ZNF536: variants seen among roughly 807,000 people sequenced by gnomAD.
The protein encoded by ZNF536 is zinc finger protein 536.
Under a neutral mutation model 84.5 loss-of-function variants are expected in ZNF536, and 13 were observed. That is an observed-to-expected ratio of 0.15 (90% CI 0.10 to 0.24). ZNF536 has a LOEUF of 0.24. Ranked by LOEUF, ZNF536 falls within the 10% of genes least tolerant of loss-of-function variation. ZNF536 has a pLI of 1.00. For synonymous variants in ZNF536, 811 were observed against 742.5 expected (o/e 1.09, Z -1.50); for missense variants, 1,536 against 1,747.5 (o/e 0.88, Z 2.16).
At chr19:30,541,840 C>T (rs1363948902) in intron 3 of ZNF536, among the ~76,000 whole-genome samples, 7 of 152,214 alleles carry the variant, frequency 4.6e-5, no homozygotes, top group Admixed American at 4.6e-4. Flanking sequence ...TTGTCCCCTT[C>T]TGGACAAGGC....
intron 1 of ZNF536, among the ~76,000 whole-genome samples, chr19:30,273,607 T>G (rs1032430768): frequency 6.6e-6 from 1 of 152,250 alleles, no homozygotes; most frequent in Non-Finnish European, 1.5e-5. Context: ...CTGTTGAGTT[T>G]TAAGAGTTCT....
intron 2 of ZNF536, among the ~76,000 whole-genome samples, chr19:30,530,003 A>C (rs1241935772): frequency 6.6e-6 from 1 of 152,224 alleles, no homozygotes; most frequent in Non-Finnish European, 1.5e-5. Context: ...GAGCACACCC[A>C]GGCTGAGGGT....
At chr19:30,513,282 C>G (rs912112713) in intron 2 of ZNF536, among the ~76,000 whole-genome samples, 1 of 152,024 alleles carries the variant, frequency 6.6e-6, no homozygotes, top group African/African-American at 2.4e-5. Context: ...ATCTTGTGTG[C>G]GCAAGAAAAT....
At chr19:30,484,079 A>C (rs1307738580) in intron 2 of ZNF536, among the ~76,000 whole-genome samples, 1 of 151,748 alleles carries the variant, frequency 6.6e-6, no homozygotes, top group East Asian at 1.9e-4. Context: ...CCGCTGGTGC[A>C]CCCTGCCCCA....
At chr19:30,259,141 CA>C (rs1173590392) in intron 1 of ZNF536, among the ~76,000 whole-genome samples, 26 of 152,176 alleles carry the variant, frequency 1.7e-4, no homozygotes, top group African/African-American at 6.0e-4. Flanking sequence ...ATTTTGTTTG[CA>C]GTTGCGGGTG....
At chr19:30,462,802 A>G (rs201742599) in intron 2 of ZNF536, among the ~76,000 whole-genome samples, 10,067 of 95,072 alleles carry the variant, frequency 0.11, 678 homozygotes, top group South Asian at 0.17. Context: ...GCATGTATCC[A>G]TATGCATTTG....
At chr19:30,428,258 G>A (rs1296230443) in intron 1 of ZNF536, among the ~76,000 whole-genome samples, 1 of 152,212 alleles carries the variant, frequency 6.6e-6, no homozygotes, top group Non-Finnish European at 1.5e-5. Context: ...GGAAGGAGGA[G>A]GAGAGGCAGG....
intron 1 of ZNF536, among the ~76,000 whole-genome samples, chr19:30,388,609 G>T (rs767321953): frequency 1.4e-4 from 22 of 152,158 alleles, no homozygotes; most frequent in Non-Finnish European, 3.2e-4. Context: ...TTCACTTGGG[G>T]GAATTTTCCA....
At chr19:30,461,106 G>A (rs1401392834) in intron 2 of ZNF536, among the ~76,000 whole-genome samples, 1 of 152,156 alleles carries the variant, frequency 6.6e-6, no homozygotes, top group Non-Finnish European at 1.5e-5. Flanking sequence ...CTGTTTCCCA[G>A]GAGTGTTCCA....
chr19:30,661,909 GT>G (rs922251314), intron 1 of ZNF536, among the ~76,000 whole-genome samples: 1 of 150,480 alleles, frequency 6.6e-6, no homozygotes, highest in Admixed American at 6.6e-5. Context: ...ATGGCCAGTG[GT>G]TTTTTTCTAG....
chr19:30,567,668 T>A (rs1332902340), intron 1 of ZNF536, among the ~76,000 whole-genome samples: 1 of 152,176 alleles, frequency 6.6e-6, no homozygotes. Flanking sequence ...TGCCCCTCCC[T>A]GCCCCCAACC....
chr19:30,258,662 C>CTTTAGT (rs2025035392), intron 1 of ZNF536, among the ~76,000 whole-genome samples: 1 of 151,582 alleles, frequency 6.6e-6, no homozygotes, highest in Non-Finnish European at 1.5e-5. Flanking sequence ...GTACATAAGT[C>CTTTAGT]ATATGTAGTC....
chr19:30,458,542 T>G (rs2052979438), intron 2 of ZNF536, among the ~76,000 whole-genome samples: 1 of 135,900 alleles, frequency 7.4e-6, no homozygotes, highest in East Asian at 2.5e-4. Context: ...AACCTCCACC[T>G]CCCAGGTTCA....
At chr19:30,277,366 CTT>C (rs1490591753) in intron 1 of ZNF536, among the ~76,000 whole-genome samples, 1 of 152,132 alleles carries the variant, frequency 6.6e-6, no homozygotes, top group African/African-American at 2.4e-5. Flanking sequence ...CTCCACTCCT[CTT>C]TTATCATCCC....
At chr19:30,630,124 C>T (rs766707266) in intron 1 of ZNF536, among the ~76,000 whole-genome samples, 2 of 152,154 alleles carry the variant, frequency 1.3e-5, no homozygotes, top group South Asian at 2.1e-4. Flanking sequence ...CAGAGTGGGC[C>T]GGAGAGCACC....
chr19:30,239,079 C>T (rs2023751893), intron 1 of ZNF536, among the ~76,000 whole-genome samples: 1 of 152,128 alleles, frequency 6.6e-6, no homozygotes, highest in South Asian at 2.1e-4. Flanking sequence ...TTTCCCTCAC[C>T]AGAGGGTATC....
At chr19:30,572,189 G>C (rs2046571842) in intron 1 of ZNF536, among the ~76,000 whole-genome samples, 1 of 152,222 alleles carries the variant, frequency 6.6e-6, no homozygotes, top group Admixed American at 6.5e-5. Flanking sequence ...AAAAAGTACT[G>C]AAAGAGCCCT....
chr19:30,463,876 T>A (rs924380438), intron 2 of ZNF536, among the ~76,000 whole-genome samples: 3 of 151,774 alleles, frequency 2.0e-5, no homozygotes, highest in African/African-American at 2.4e-5. Flanking sequence ...CATGGTGATG[T>A]GTTCTGTTTG....
intron 2 of ZNF536, among the ~76,000 whole-genome samples, chr19:30,292,321 T>A (rs1600101539): frequency 1.2e-5 from 1 of 85,280 alleles, no homozygotes; most frequent in African/African-American, 6.5e-5. Flanking sequence ...TAGGGAACTG[T>A]TTTTTTTTTT....
Sources: gnomAD v4.1 joint callset for allele counts (sites outside exome capture counted in the v4.1 genomes callset) on GRCh38, gnomAD v4.1.1 for gene constraint, MANE v1.5 for transcripts, NCBI Gene and HGNC (gene_info 2026-07-23, HGNC 2026-07-21) for gene names.